DGKB: variants seen among roughly 807,000 people sequenced by gnomAD.
The protein encoded by DGKB is diacylglycerol kinase beta.
DGKB carries 67 observed loss-of-function variants against 114.3 expected under a neutral mutation model. The observed-to-expected ratio is 0.59, with a 90% CI of 0.48 to 0.72. The LOEUF (loss-of-function observed/expected upper bound fraction) is 0.72, where lower values mean the gene tolerates loss of function less well. Among genes scored for constraint, DGKB ranks in the 30% least tolerant of loss-of-function variants. The pLI is 0.00. For synonymous variants in DGKB, 398 were observed against 323.1 expected, an observed-to-expected ratio of 1.23 and a Z score of -2.49; for missense variants, 907 against 975.2, an observed-to-expected ratio of 0.93 and a Z score of 0.93.
At chr7:14,844,835 G>A (rs1246451539) in intron 1 of DGKB, among the ~76,000 whole-genome samples, 3 of 152,054 alleles carry the variant, frequency 2.0e-5, no homozygotes, top group African/African-American at 2.4e-5. Context: ...AGCTGGGCAC[G>A]GTGGCTCAAG....
At chr7:14,908,174 C>G (rs778520432), upstream of DGKB, among the ~76,000 whole-genome samples, 4 of 152,000 alleles carry the variant, frequency 2.6e-5, no homozygotes, top group Non-Finnish European at 5.9e-5. Context: ...TTATTTAGAC[C>G]AATTGTTTAA....
intron 21 of DGKB, among the ~76,000 whole-genome samples, chr7:14,384,938 G>A (rs999615375): frequency 7.9e-5 from 12 of 152,214 alleles, no homozygotes; most frequent in Non-Finnish European, 1.5e-4. Flanking sequence ...TGGTAAGTGA[G>A]AACTCCCTAG....
At chr7:14,382,290 A>AT (rs376231278) in intron 21 of DGKB, among the ~76,000 whole-genome samples, 46 of 148,648 alleles carry the variant, frequency 3.1e-4, no homozygotes, top group African/African-American at 1.0e-3. Context: ...AACAGTGGCA[A>AT]TTTTTTTTTT....
chr7:14,630,308 G>T, intron 13 of DGKB, 40 bp from the exon 14 acceptor site: 1 of 1,512,908 alleles, frequency 6.6e-7, no homozygotes, highest in Non-Finnish European at 8.9e-7. Flanking sequence ...CTGAAAAAGA[G>T]TCAAACTCAA....
intron 20 of DGKB, among the ~76,000 whole-genome samples, chr7:14,518,663 C>G (rs1367292655): frequency 6.6e-6 from 1 of 151,844 alleles, no homozygotes; most frequent in African/African-American, 2.4e-5. Context: ...GAGAATTCTA[C>G]TACTATAGGA....
chr7:14,164,954 T>C (rs765029721), intron 25 of DGKB, among the ~76,000 whole-genome samples: 6 of 152,178 alleles, frequency 3.9e-5, no homozygotes, highest in Non-Finnish European at 8.8e-5. Flanking sequence ...TAGCAGGTTT[T>C]AGGACTAGGA....
chr7:14,194,257 C>T (rs984056123), intron 23 of DGKB, among the ~76,000 whole-genome samples: 9 of 152,158 alleles, frequency 5.9e-5, no homozygotes, highest in African/African-American at 2.2e-4. Context: ...CTCTCAACTT[C>T]TGTAGCACTA....
At chr7:14,848,443 T>A (rs1386450797) in intron 1 of DGKB, among the ~76,000 whole-genome samples, 1 of 152,194 alleles carries the variant, frequency 6.6e-6, no homozygotes, top group Non-Finnish European at 1.5e-5. Context: ...TTATCATATA[T>A]CTGAATTGAA....
intron 5 of DGKB, among the ~76,000 whole-genome samples, chr7:14,721,245 A>G (rs1349211501): frequency 6.6e-6 from 1 of 152,246 alleles, no homozygotes; most frequent in Non-Finnish European, 1.5e-5. Flanking sequence ...TACTTATACA[A>G]CTAAGGTAGA....
At chr7:14,822,815 G>C (rs909986963) in intron 2 of DGKB, among the ~76,000 whole-genome samples, 1 of 152,048 alleles carries the variant, frequency 6.6e-6, no homozygotes, top group African/African-American at 2.4e-5. Context: ...TTCCACAATT[G>C]TTCTAACAAA....
intron 21 of DGKB, among the ~76,000 whole-genome samples, chr7:14,471,208 GTATATATACATATATATGTATGGAATATA>G (rs755564999): frequency 0.029 from 4,023 of 138,788 alleles, 850 homozygotes; most frequent in African/African-American, 0.11. Context: ...TGGAATATAT[GTATATATACATATATATGTATGGAATATA>G]TGTATACATA....
chr7:14,768,404 C>T (rs1836791644), intron 2 of DGKB, among the ~76,000 whole-genome samples: 1 of 150,164 alleles, frequency 6.7e-6, no homozygotes, highest in Non-Finnish European at 1.5e-5. Flanking sequence ...TTCAAAGAAA[C>T]AATACTTAAG....
At chr7:14,629,818 C>T (rs1186198726) in intron 14 of DGKB, among the ~76,000 whole-genome samples, 1 of 152,054 alleles carries the variant, frequency 6.6e-6, no homozygotes, top group Non-Finnish European at 1.5e-5. Flanking sequence ...TCAAAGTAAG[C>T]AAGAGTCTCT....
rs774905779 is a variant in DGKB at position 14,704,447 on chromosome 7, C to CAAAA, written c.467-2721_467-2718dup. On this transcript the variant is annotated intron_variant, in intron 6 of 25. Transcript: ENST00000402815. Reference sequence around the variant, plus strand: ...TGGGCGACAGAGCGAGACTCCATCTCAAAAAAAAAAAAAAAAAGAAAAAAG... The same window carrying CAAAA: ...TGGGCGACAGAGCGAGACTCCATCTCAAAAAAAAAAAAAAAAAAAAAGAAAAAAG... Among the ~76,000 whole-genome samples, 490 of 53,434 alleles carry CAAAA rather than the reference C, an allele frequency of 9.2e-3. 5 individuals are homozygous for CAAAA. The highest frequency in any genetic ancestry group is 0.024 in the African/African-American group (449 of 18,332). 35.1% of individuals were successfully genotyped at this position (53,434 alleles called of 152,430 possible). A position where few individuals can be genotyped will look rare whatever the true frequency, so the allele number is the denominator to read the frequency against.
intron 13 of DGKB, among the ~76,000 whole-genome samples, chr7:14,631,684 A>C (rs1229404594): frequency 6.6e-6 from 1 of 152,042 alleles, no homozygotes; most frequent in Non-Finnish European, 1.5e-5. Context: ...ATCAGTCTAC[A>C]TAACACCAGG....
intron 21 of DGKB, among the ~76,000 whole-genome samples, chr7:14,360,171 G>C (rs1215904994): frequency 1.3e-5 from 2 of 152,060 alleles, no homozygotes; most frequent in African/African-American, 4.8e-5. Context: ...CAGGGTCATG[G>C]ATGAAGCTGG....
chr7:14,880,058 A>C (rs1587136025), intron 1 of DGKB, among the ~76,000 whole-genome samples: 1 of 152,174 alleles, frequency 6.6e-6, no homozygotes, highest in South Asian at 2.1e-4. Flanking sequence ...ATTTCAGTTG[A>C]AGGATCAAAG....
intron 23 of DGKB, among the ~76,000 whole-genome samples, chr7:14,259,451 G>C (rs1194692329): frequency 6.6e-6 from 1 of 151,124 alleles, no homozygotes; most frequent in Non-Finnish European, 1.5e-5. Context: ...TTATAAGACG[G>C]AGTCTTGCTC....
chr7:14,284,972 TGCACAATGTGCACATGTACCCTA>T (rs760014074), intron 23 of DGKB, among the ~76,000 whole-genome samples: 29 of 151,760 alleles, frequency 1.9e-4, no homozygotes, highest in Non-Finnish European at 3.8e-4. Flanking sequence ...GTAACTAACC[TGCACAATGTGCACATGTACCCTA>T]AAACTTAAAG....
Sources: gnomAD v4.1 joint callset for allele counts (sites outside exome capture counted in the v4.1 genomes callset) on GRCh38, gnomAD v4.1.1 for gene constraint, MANE v1.5 for transcripts, NCBI Gene and HGNC (gene_info 2026-07-23, HGNC 2026-07-21) for gene names.